GSAP: variants seen among roughly 807,000 people sequenced by gnomAD.
GSAP encodes gamma-secretase-activating protein.
Under a neutral mutation model 131.7 loss-of-function variants are expected in GSAP, and 118 were observed. The observed-to-expected ratio is 0.90, with a 90% confidence interval of 0.77 to 1.04. The LOEUF is 1.04. Ranked by LOEUF, GSAP falls within the 50% of genes least tolerant of loss-of-function variation. The pLI is 0.00. For synonymous variants in GSAP, 381 were observed against 363.4 expected, an observed-to-expected ratio of 1.05 and a Z score of -0.55; for missense variants, 1,019 against 1,013.2, an observed-to-expected ratio of 1.01 and a Z score of -0.08.
At chr7:77,404,672 T>C in intron 2 of GSAP, 57 bp from the exon 3 acceptor site, 1 of 1,042,266 alleles carries the variant, frequency 9.6e-7, no homozygotes, top group Non-Finnish European at 1.5e-6. Flanking sequence ...GTTAGAATGT[T>C]ACTAGTTTTA....
intron 19 of GSAP, among the ~76,000 whole-genome samples, chr7:77,341,561 A>G (rs1790903037): frequency 6.6e-6 from 1 of 152,174 alleles, no homozygotes; most frequent in Non-Finnish European, 1.5e-5. Context: ...GACCTCTCCC[A>G]AATCAGTTAG....
chr7:77,339,212 C>T (rs1363764197), intron 19 of GSAP, among the ~76,000 whole-genome samples: 1 of 152,024 alleles, frequency 6.6e-6, no homozygotes, highest in Non-Finnish European at 1.5e-5. Context: ...TAAGTTGGGA[C>T]TTGGGGGTAG....
chr7:77,376,791 AAAAAG>A (rs1796949269), intron 10 of GSAP, 52 bp downstream of exon 10: 11 of 699,016 alleles, frequency 1.6e-5, no homozygotes, highest in Non-Finnish European at 2.0e-5. Flanking sequence ...AAAAAAAAAA[AAAAAG>A]AGAGTAATGT....
At chr7:77,402,758 G>T (rs1439783042) in intron 3 of GSAP, among the ~76,000 whole-genome samples, 2 of 150,172 alleles carry the variant, frequency 1.3e-5, no homozygotes, top group Non-Finnish European at 3.0e-5. Context: ...GGGAGGGTTT[G>T]TTTAGCGACT....
chr7:77,333,407 C>T (rs986238210), intron 19 of GSAP, among the ~76,000 whole-genome samples: 2 of 152,158 alleles, frequency 1.3e-5, no homozygotes, highest in African/African-American at 2.4e-5. Flanking sequence ...CAATAGCCTC[C>T]AGCATGTGCA....
chr7:77,368,213 C>T (rs1795593938), intron 12 of GSAP, among the ~76,000 whole-genome samples: 1 of 152,104 alleles, frequency 6.6e-6, no homozygotes, highest in South Asian at 2.1e-4. Flanking sequence ...TGCTTTTTGC[C>T]ATTCTCCATG....
intron 14 of GSAP, among the ~76,000 whole-genome samples, chr7:77,358,675 G>A (rs1057081483): frequency 1.2e-4 from 18 of 152,072 alleles, no homozygotes; most frequent in African/African-American, 4.3e-4. Flanking sequence ...AGTACTCTAG[G>A]ATTGTAACAC....
intron 26 of GSAP, chr7:77,314,965 A>G (rs1794812546): frequency 6.5e-6 from 1 of 153,424 alleles, no homozygotes; most frequent in African/African-American, 2.4e-5. Flanking sequence ...TACTTGGACT[A>G]AAGTATAGAA....
chr7:77,373,182 T>G (rs1563056814), intron 12 of GSAP, among the ~76,000 whole-genome samples: 2 of 152,214 alleles, frequency 1.3e-5, no homozygotes. Flanking sequence ...CCTATAATGC[T>G]CATTCATAAT....
At chr7:77,362,557 AG>A (rs1486483222) in intron 13 of GSAP, 25 bp downstream of exon 13, 5 of 1,222,574 alleles carry the variant, frequency 4.1e-6, no homozygotes, top group Non-Finnish European at 6.0e-6. Flanking sequence ...ATTATGTAAA[AG>A]TAACAAAGAA....
At chr7:77,364,077 A>G (rs1341238423) in intron 12 of GSAP, among the ~76,000 whole-genome samples, 1 of 152,206 alleles carries the variant, frequency 6.6e-6, no homozygotes, top group Non-Finnish European at 1.5e-5. Context: ...CTAGTAATAA[A>G]TAAAAATTAA....
chr7:77,351,624 C>A (rs753897916), intron 18 of GSAP: 41 of 985,474 alleles, frequency 4.2e-5, no homozygotes, highest in Non-Finnish European at 4.6e-5. Context: ...TTCTTTATAT[C>A]GCTCTTCTTG....
chr7:77,377,015 TG>T (rs975503505), intron 9 of GSAP, 108 bp from the exon 10 acceptor site: 1 of 695,670 alleles, frequency 1.4e-6, no homozygotes, highest in African/African-American at 1.9e-5. Context: ...TAATGATTAG[TG>T]AACTGCAGTA....
Position 77,320,789 on chromosome 7 carries a change from T to G in GSAP, c.2025A>C (p.Ala675=). 1 of 1,612,108 alleles carries G rather than the reference T, an allele frequency of 6.2e-7. No homozygotes were observed. Among genetic ancestry groups the G allele is most frequent in the Non-Finnish European group, 8.5e-7 (1 of 1,178,294 alleles). Residue 675 remains alanine (A), a synonymous_variant, in exon 26 of 31, where the codon GCA becomes GCC. Transcript: ENST00000257626. The part of the protein sequence containing the change: ...FNSRGSAAEF[A]VFHIMTRILE... ...GAATCCTGGTCATGATGTGAAAAAC[T>G]GCAAATTCAGCAGCACTGCCACGAC...
intron 9 of GSAP, 37 bp from the exon 10 acceptor site, chr7:77,376,944 G>C (rs1204283877): frequency 8.6e-7 from 1 of 1,165,976 alleles, no homozygotes; most frequent in African/African-American, 1.6e-5. Flanking sequence ...TAAAAAACCA[G>C]GAAAAAAAGA....
intron 19 of GSAP, among the ~76,000 whole-genome samples, chr7:77,331,407 T>C (rs765964601): frequency 6.6e-6 from 1 of 152,232 alleles, no homozygotes; most frequent in Non-Finnish European, 1.5e-5. Context: ...TGCCAAAATA[T>C]GTGCATTTAC....
intron 6 of GSAP, among the ~76,000 whole-genome samples, chr7:77,383,648 A>G (rs28535795): frequency 0.13 from 19,159 of 152,230 alleles, 1,734 homozygotes; most frequent in East Asian, 0.41. Context: ...GCTGCCAGCA[A>G]CACAAGTCCT....
chr7:77,378,088 G>A (rs1354734866), intron 8 of GSAP, among the ~76,000 whole-genome samples: 6 of 152,158 alleles, frequency 3.9e-5, no homozygotes, highest in Middle Eastern at 3.2e-3. Flanking sequence ...AATGCTATAA[G>A]CCTCCCCCAG....
intron 12 of GSAP, among the ~76,000 whole-genome samples, chr7:77,363,902 G>A (rs977904323): frequency 3.3e-5 from 5 of 151,980 alleles, no homozygotes; most frequent in African/African-American, 1.2e-4. Context: ...TATCACTAAA[G>A]TATAAACAAA....
Sources: allele counts gnomAD v4.1 joint callset (sites outside exome capture counted in the v4.1 genomes callset), GRCh38; gene constraint gnomAD v4.1.1; transcripts MANE v1.5; gene names NCBI Gene and HGNC (gene_info 2026-07-23, HGNC 2026-07-21).